Variants in DLG2 observed in about 807,000 individuals in gnomAD.
DLG2 encodes discs large MAGUK scaffold protein 2.
DLG2 carries 45 observed loss-of-function variants against 132.5 expected under a neutral mutation model. The ratio of observed to expected loss-of-function variants is 0.34; its 90% CI spans 0.27 to 0.44. The LOEUF is 0.44. DLG2 is among the 20% of genes least tolerant of loss of function. The pLI is 1.00. For synonymous variants in DLG2, 424 were observed against 419.6 expected, an observed-to-expected ratio of 1.01 and a Z score of -0.13; for missense variants, 1,045 against 1,196.9, an observed-to-expected ratio of 0.87 and a Z score of 1.87.
intron 18 of DLG2, among the ~76,000 whole-genome samples, chr11:83,706,945 G>A (rs978080546): frequency 6.6e-6 from 1 of 152,176 alleles, no homozygotes; most frequent in Non-Finnish European, 1.5e-5. Flanking sequence ...ATGGGGTCAT[G>A]ATAACAACAA....
At chr11:83,565,078 A>G (rs2096681573) in intron 19 of DLG2, among the ~76,000 whole-genome samples, 2 of 152,194 alleles carry the variant, frequency 1.3e-5, no homozygotes, top group Admixed American at 6.5e-5. Flanking sequence ...GCCATTCACT[A>G]GCATAGTTCC....
At chr11:83,687,774 C>T (rs1348315350) in intron 18 of DLG2, among the ~76,000 whole-genome samples, 1 of 151,950 alleles carries the variant, frequency 6.6e-6, no homozygotes, top group Admixed American at 6.6e-5. Flanking sequence ...AATGCTGTCC[C>T]CTTTATGAAA....
chr11:84,159,637 T>C (rs528594959), intron 9 of DLG2, among the ~76,000 whole-genome samples: 1 of 152,270 alleles, frequency 6.6e-6, no homozygotes, highest in African/African-American at 2.4e-5. Context: ...GTAATGATAA[T>C]GAAGTTAATT....
intron 5 of DLG2, among the ~76,000 whole-genome samples, chr11:85,128,528 C>T (rs182913442): frequency 6.6e-6 from 1 of 152,232 alleles, no homozygotes; most frequent in Admixed American, 6.5e-5. Context: ...TATGTTATTA[C>T]ATATGATACT....
intron 14 of DLG2, among the ~76,000 whole-genome samples, chr11:83,959,388 A>AT (rs1286403086): frequency 6.6e-6 from 1 of 152,076 alleles, no homozygotes; most frequent in Non-Finnish European, 1.5e-5. Flanking sequence ...ATTTGATGTG[A>AT]TTTTATAGGT....
chr11:84,868,186 G>A (rs984563350), intron 6 of DLG2, among the ~76,000 whole-genome samples: 5 of 146,442 alleles, frequency 3.4e-5, no homozygotes, highest in African/African-American at 1.3e-4. Context: ...TATTGTTATG[G>A]AAGCATGTAA....
chr11:84,161,203 C>G (rs185176461), intron 9 of DLG2, among the ~76,000 whole-genome samples: 215 of 151,582 alleles, frequency 1.4e-3, no homozygotes, highest in African/African-American at 4.9e-3. Context: ...GCACAAAAAG[C>G]TAGAGAAGAG....
At chr11:84,251,848 C>T (rs1327417247) in intron 7 of DLG2, among the ~76,000 whole-genome samples, 1 of 151,782 alleles carries the variant, frequency 6.6e-6, no homozygotes, top group African/African-American at 2.4e-5. Context: ...CCACATTGGC[C>T]AGGATGGTCT....
chr11:84,825,565 C>T (rs1369637739), intron 6 of DLG2, among the ~76,000 whole-genome samples: 4 of 151,852 alleles, frequency 2.6e-5, no homozygotes, highest in Admixed American at 1.3e-4. Flanking sequence ...GTTTATATTG[C>T]TATTTCTCTT....
intron 21 of DLG2, among the ~76,000 whole-genome samples, chr11:83,501,006 A>G (rs2094428955): frequency 6.6e-6 from 1 of 152,110 alleles, no homozygotes; most frequent in African/African-American, 2.4e-5. Context: ...AAAGGGTCAG[A>G]AAGCAAAACA....
At chr11:85,242,084 G>T (rs73525474) in intron 4 of DLG2, among the ~76,000 whole-genome samples, 4 of 151,870 alleles carry the variant, frequency 2.6e-5, no homozygotes, top group Admixed American at 2.0e-4. Context: ...ACCTGCCTCT[G>T]TCCCAAAGAG....
At chr11:85,238,228 T>C (rs2075695496) in intron 4 of DLG2, among the ~76,000 whole-genome samples, 4 of 145,990 alleles carry the variant, frequency 2.7e-5, no homozygotes, top group African/African-American at 1.0e-4. Flanking sequence ...TTTATTTATT[T>C]ATTTATTTAT....
At chr11:85,303,138 C>G (rs532879930) in intron 3 of DLG2, among the ~76,000 whole-genome samples, 1 of 152,152 alleles carries the variant, frequency 6.6e-6, no homozygotes, top group Non-Finnish European at 1.5e-5. Context: ...GTTTAGATCT[C>G]TACCTTTTGT....
intron 6 of DLG2, among the ~76,000 whole-genome samples, chr11:85,044,585 A>G (rs1282412492): frequency 6.6e-6 from 1 of 152,010 alleles, no homozygotes; most frequent in Non-Finnish European, 1.5e-5. Flanking sequence ...TCATTAGTTA[A>G]CTGTTAATGA....
At chr11:84,273,033 G>C in intron 7 of DLG2, 1 of 915,306 alleles carries the variant, frequency 1.1e-6, no homozygotes, top group Non-Finnish European at 1.5e-6. Flanking sequence ...GAACTACAGA[G>C]AAAATAACTA....
chr11:85,130,495 T>G (rs939339941), intron 5 of DLG2, among the ~76,000 whole-genome samples: 11 of 152,212 alleles, frequency 7.2e-5, no homozygotes, highest in Admixed American at 2.6e-4. Flanking sequence ...GAAATATTTC[T>G]GTTTTCCTGC....
At chr11:84,284,875 G>C (rs2097892817) in intron 7 of DLG2, among the ~76,000 whole-genome samples, 1 of 152,150 alleles carries the variant, frequency 6.6e-6, no homozygotes. Flanking sequence ...TCAGCCTTTA[G>C]TGCATTGCCT....
chr11:84,349,987 C>G (rs905586012), intron 7 of DLG2, among the ~76,000 whole-genome samples: 1 of 152,010 alleles, frequency 6.6e-6, no homozygotes, highest in Non-Finnish European at 1.5e-5. Flanking sequence ...ACCATCCTAG[C>G]TAACACGGTG....
At chr11:84,209,712 G>C (rs2096725792) in intron 8 of DLG2, among the ~76,000 whole-genome samples, 1 of 152,098 alleles carries the variant, frequency 6.6e-6, no homozygotes, top group Non-Finnish European at 1.5e-5. Context: ...ACATGAAAAA[G>C]ATGCTCAAAA....
Sources: allele counts gnomAD v4.1 joint callset (sites outside exome capture counted in the v4.1 genomes callset), GRCh38; gene constraint gnomAD v4.1.1; transcripts MANE v1.5; gene names NCBI Gene and HGNC (gene_info 2026-07-23, HGNC 2026-07-21).